ARHGEF10L: variants seen among roughly 807,000 people sequenced by gnomAD.
The protein encoded by ARHGEF10L is rho guanine nucleotide exchange factor 10-like protein.
A neutral mutation model predicts 141.2 loss-of-function variants in ARHGEF10L; 69 were observed. The ratio of observed to expected loss-of-function variants is 0.49; its 90% CI spans 0.40 to 0.60. The LOEUF (loss-of-function observed/expected upper bound fraction) is 0.60, where lower values mean the gene tolerates loss of function less well. Among genes scored for constraint, ARHGEF10L ranks in the 20% least tolerant of loss-of-function variants. ARHGEF10L has a pLI of 0.00. For synonymous variants in ARHGEF10L, 711 were observed against 718.5 expected, an observed-to-expected ratio of 0.99 and a Z score of 0.17; for missense variants, 1,482 against 1,734.3, an observed-to-expected ratio of 0.85 and a Z score of 2.58.
At chr1:17,582,194 A>T (rs985450244) in intron 2 of ARHGEF10L, among the ~76,000 whole-genome samples, 1 of 152,056 alleles carries the variant, frequency 6.6e-6, no homozygotes, top group African/African-American at 2.4e-5. Flanking sequence ...CCAATTCATG[A>T]CTGGGATTTG....
At chr1:17,668,296 C>T (rs967034683) in intron 26 of ARHGEF10L, among the ~76,000 whole-genome samples, 1 of 152,244 alleles carries the variant, frequency 6.6e-6, no homozygotes, top group Non-Finnish European at 1.5e-5. Flanking sequence ...GGTCTGCCAT[C>T]CTCTCGCCTC....
chr1:17,550,525 C>T (rs1387371734), intron 1 of ARHGEF10L, among the ~76,000 whole-genome samples: 1 of 152,022 alleles, frequency 6.6e-6, no homozygotes, highest in Non-Finnish European at 1.5e-5. Context: ...CGCCTGTAAT[C>T]CCAGCTACTC....
intron 16 of ARHGEF10L, 46 bp downstream of exon 16, chr1:17,632,512 C>T (rs2060754605): frequency 6.2e-7 from 1 of 1,611,122 alleles, no homozygotes; most frequent in African/African-American, 1.3e-5. Flanking sequence ...TCCCTGGAGA[C>T]CCCATCCCGC....
intron 22 of ARHGEF10L, among the ~76,000 whole-genome samples, chr1:17,653,110 G>A (rs2062025774): frequency 6.6e-6 from 1 of 152,162 alleles, no homozygotes; most frequent in Non-Finnish European, 1.5e-5. Context: ...CCCTGGGCCG[G>A]GTGCTTTACA....
At chr1:17,520,132 C>T in the ARHGEF10L span, among the ~76,000 whole-genome samples, 6 of 152,212 alleles carry the variant, frequency 3.9e-5, no homozygotes, top group Non-Finnish European at 8.8e-5. Flanking sequence ...CCTTCCTCAC[C>T]CAGGCCAGCT....
rs1326962485 is a variant in ARHGEF10L, at chr1:17,692,859, G to A, written c.3185-2299G>A. Reference sequence around the variant, plus strand: ...CAGGTGCACTGGCTTCACTCTGCTCGGCGGACTGGATGAGCTCATTCCTGT... The same window carrying A: ...CAGGTGCACTGGCTTCACTCTGCTCAGCGGACTGGATGAGCTCATTCCTGT... On this transcript the variant is annotated intron_variant, in intron 27 of 28. Transcript: ENST00000361221. Among the ~76,000 whole-genome samples the A allele has an allele frequency of 2.6e-5, 4 of 152,246 alleles. No homozygotes were observed. In the South Asian group the frequency reaches 6.2e-4, roughly 24 times the overall value.
At chr1:17,696,514 G>C (rs955587068) in intron 28 of ARHGEF10L, among the ~76,000 whole-genome samples, 4 of 152,168 alleles carry the variant, frequency 2.6e-5, no homozygotes, top group African/African-American at 9.7e-5. Flanking sequence ...TGAGGAGTGT[G>C]AGCTGGGCCT....
At chr1:17,552,108 G>A (rs986914774) in intron 1 of ARHGEF10L, among the ~76,000 whole-genome samples, 2 of 152,176 alleles carry the variant, frequency 1.3e-5, no homozygotes, top group African/African-American at 4.8e-5. Context: ...AAACTCCATG[G>A]GGCTGGTGCA....
At chr1:17,588,296 G>A in intron 3 of ARHGEF10L, 150 bp from the exon 4 acceptor site, 1 of 750,474 alleles carries the variant, frequency 1.3e-6, no homozygotes, top group Non-Finnish European at 2.2e-6. Flanking sequence ...AGCCAGGGCT[G>A]GGGGAGGGAG....
At chr1:17,531,392 C>T in the ARHGEF10L span, among the ~76,000 whole-genome samples, 3 of 152,196 alleles carry the variant, frequency 2.0e-5, no homozygotes, top group Non-Finnish European at 2.9e-5. Flanking sequence ...GATGTCATAT[C>T]TGGGAGCTTA....
the ARHGEF10L span, among the ~76,000 whole-genome samples, chr1:17,528,497 C>T: frequency 0.025 from 3,858 of 152,134 alleles, 164 homozygotes; most frequent in African/African-American, 0.087. Flanking sequence ...AGGCATGAAC[C>T]GCTGTGCTCG....
rs932512021 is a variant in ARHGEF10L, at chr1:17,573,261, C to G, written c.-43-7292C>G. On this transcript the variant is annotated intron_variant, in intron 1 of 28. Transcript: ENST00000361221. The surrounding 1 kb of genome is among the most constrained non-coding windows in gnomAD (Gnocchi z 4.8). ...CTCATGCTAAGTGGCGAGGGCCCAG[C>G]AGCGAGGACGCCCAGCAGCTGGGAG... Among the ~76,000 whole-genome samples the G allele has an allele frequency of 6.6e-6, 1 of 152,184 alleles. No individual in the cohort carries two copies. Among genetic ancestry groups the G allele is most frequent in the African/African-American group, 2.4e-5 (1 of 41,454 alleles).
intron 9 of ARHGEF10L, among the ~76,000 whole-genome samples, chr1:17,616,548 A>T (rs535506477): frequency 3.3e-5 from 5 of 151,960 alleles, no homozygotes; most frequent in African/African-American, 9.7e-5. Flanking sequence ...TCCTTTATCC[A>T]TCCACCCATC....
the ARHGEF10L span, among the ~76,000 whole-genome samples, chr1:17,529,254 C>T: frequency 1.3e-5 from 2 of 152,212 alleles, no homozygotes; most frequent in African/African-American, 2.4e-5. Context: ...CCACCTTCCT[C>T]GGCCTCCCAA....
intron 2 of ARHGEF10L, among the ~76,000 whole-genome samples, chr1:17,584,979 T>C (rs2078903163): frequency 6.6e-6 from 1 of 152,244 alleles, no homozygotes; most frequent in Non-Finnish European, 1.5e-5. Context: ...CATTATTTTT[T>C]AAACATCTGA....
intron 27 of ARHGEF10L, 136 bp downstream of exon 27, chr1:17,687,883 C>T (rs1412945800): frequency 2.0e-5 from 20 of 985,642 alleles, no homozygotes; most frequent in South Asian, 1.8e-4. Context: ...GGGGCACTCC[C>T]CAGGAAGTGG....
chr1:17,637,174 A>G (rs1314656977), intron 18 of ARHGEF10L, among the ~76,000 whole-genome samples: 2 of 152,214 alleles, frequency 1.3e-5, no homozygotes, highest in Admixed American at 1.3e-4. Context: ...TGCTGTCTCC[A>G]GTCTCTAGCA....
chr1:17,567,863 G>A (rs182847842), intron 1 of ARHGEF10L, among the ~76,000 whole-genome samples: 154 of 152,272 alleles, frequency 1.0e-3, no homozygotes, highest in Non-Finnish European at 1.6e-3. Context: ...GCTGCATTTC[G>A]CACCAACTAA....
chr1:17,581,450 T>G (rs1400004039), intron 2 of ARHGEF10L, among the ~76,000 whole-genome samples: 1 of 152,148 alleles, frequency 6.6e-6, no homozygotes, highest in Non-Finnish European at 1.5e-5. Flanking sequence ...CCTCAGACAC[T>G]GCAGGTGGAA....
Sources: gnomAD v4.1 joint callset for allele counts (sites outside exome capture counted in the v4.1 genomes callset) on GRCh38, gnomAD v4.1.1 for gene constraint, Gnocchi (gnomAD v3.1) non-coding constraint, MANE v1.5 for transcripts, NCBI Gene and HGNC (gene_info 2026-07-23, HGNC 2026-07-21) for gene names.